The following RAP1GAP variants were observed in gnomAD, a reference collection of about 807,000 sequenced individuals.
RAP1GAP encodes the protein rap1 GTPase-activating protein 1.
Under a neutral mutation model 87.2 loss-of-function variants are expected in RAP1GAP, and 35 were observed. The observed-to-expected ratio is 0.40, with a 90% CI of 0.31 to 0.53. The LOEUF is 0.53. Among genes scored for constraint, RAP1GAP ranks in the 20% least tolerant of loss-of-function variants. The pLI, the probability that RAP1GAP is intolerant of heterozygous loss-of-function variation, is 0.48. For missense variants in RAP1GAP, 734 were observed against 898.9 expected (o/e 0.82, Z 2.35); for synonymous variants, 375 against 363.9 (o/e 1.03, Z -0.35).
Position 21,656,432 on chromosome 1 carries a change from A to C in RAP1GAP, c.-148-6636T>G, listed in dbSNP as rs1317219097. On this transcript the variant is annotated intron_variant, in intron 1 of 24. Coordinates refer to ENST00000374765, the MANE Select transcript of RAP1GAP (RefSeq NM_002885.4). ...AGACTCCATCTAAAAAAAAAAAAAAAAAAAAAAAAAAAAAAAAAAAAAGAC... is the reference window on the plus strand; with the variant it reads ...AGACTCCATCTAAAAAAAAAAAAAACAAAAAAAAAAAAAAAAAAAAAAGAC... 2.0e-3 allele frequency among the ~76,000 whole-genome samples: 299 copies of C among 148,774 alleles called. 14 individuals carry two copies. The highest frequency in any genetic ancestry group is 6.9e-3 in the Middle Eastern group (2 of 288).
At chr1:21,657,332 C>A (rs2096906911) in intron 1 of RAP1GAP, among the ~76,000 whole-genome samples, 1 of 152,262 alleles carries the variant, frequency 6.6e-6, no homozygotes, top group South Asian at 2.1e-4. Context: ...TAAATACACA[C>A]TGATGACAGC....
At chr1:21,628,101 T>C (rs371190157) in intron 2 of RAP1GAP, among the ~76,000 whole-genome samples, 2 of 152,286 alleles carry the variant, frequency 1.3e-5, no homozygotes, top group East Asian at 3.9e-4. Context: ...GTTTCACTAT[T>C]TGTTGAATGA....
rs761866378 is a variant in RAP1GAP, at chr1:21,608,348, C to T, written c.1161G>A (p.Glu387=). ...YKAEKFAKLE[E]RTRAALLETL... is the part of the protein sequence containing the mutation. ...TCTCCAGGAGGGCGGCCCGCGTCCG[C>T]TCCTGTGGGCCAGGCCCGGGCCGTC... The change falls in exon 17 of 25, where the codon GAG becomes GAA. Residue 387 remains glutamate (E), a splice_region_variant and synonymous_variant. Coordinates refer to ENST00000374765, the MANE Select transcript of RAP1GAP (RefSeq NM_002885.4). 47 of 1,612,610 alleles carry T rather than the reference C, an allele frequency of 2.9e-5. No homozygotes were observed. The Admixed American group carries it at 7.7e-4, about 26-fold the overall frequency.
intron 6 of RAP1GAP, 94 bp from the exon 7 acceptor site, chr1:21,617,585 G>A (rs772583577): frequency 2.9e-5 from 40 of 1,385,930 alleles, no homozygotes; most frequent in Non-Finnish European, 3.7e-5. Context: ...CGCTTCTGTC[G>A]TGGCTAAGGG....
chr1:21,616,503 T>G (rs1018480694), intron 7 of RAP1GAP, among the ~76,000 whole-genome samples: 3 of 152,138 alleles, frequency 2.0e-5, no homozygotes, highest in African/African-American at 7.2e-5. Flanking sequence ...ACACAAACAG[T>G]TAATGGAAGA....
intron 2 of RAP1GAP, among the ~76,000 whole-genome samples, chr1:21,640,176 T>C (rs1222339456): frequency 6.6e-6 from 1 of 151,036 alleles, no homozygotes; most frequent in Non-Finnish European, 1.5e-5. Flanking sequence ...CTGCACACGC[T>C]GTGCCCCCTG....
chr1:21,599,519 C>T lies in RAP1GAP; in HGVS notation c.1751G>A (p.Gly584Asp), dbSNP rs1333016395. ...CAGGCCTGTGTCCTCTCCGTCCACACCCTCCGTCTCCTCCACCACGCTGGC... is the reference window on the plus strand; with the variant it reads ...CAGGCCTGTGTCCTCTCCGTCCACATCCTCCGTCTCCTCCACCACGCTGGC... ...SFASVVEETE[G>D]VDGEDTGLES... The change falls in exon 21 of 25, where the codon GGT becomes GAT. Residue 584 changes from glycine (G) to aspartate (D), a missense_variant. Physicochemically the swap from Gly to Asp is moderately conservative, Grantham distance 94. Transcript: ENST00000374765. The T allele has an allele frequency of 6.2e-7, 1 of 1,609,574 alleles. No individual in the cohort carries two copies. The highest frequency in any genetic ancestry group is 8.5e-7 in the Non-Finnish European group (1 of 1,179,958).
At chr1:21,616,449 C>T (rs986999930) in intron 7 of RAP1GAP, among the ~76,000 whole-genome samples, 2 of 152,142 alleles carry the variant, frequency 1.3e-5, no homozygotes, top group African/African-American at 4.8e-5. Context: ...TTTTATTATC[C>T]CTGTTTTCAC....
At chr1:21,599,401 C>A in intron 21 of RAP1GAP, 93 bp downstream of exon 21, 1 of 1,505,826 alleles carries the variant, frequency 6.6e-7, no homozygotes, top group Middle Eastern at 1.8e-4. Context: ...CTCAGCCACG[C>A]CCAGGCTCGT....
At chr1:21,618,673 G>A (rs966282410) in intron 5 of RAP1GAP, among the ~76,000 whole-genome samples, 1 of 152,194 alleles carries the variant, frequency 6.6e-6, no homozygotes, top group Admixed American at 6.5e-5. Context: ...ACTGGTTTCA[G>A]GGAAAACATT....
At chr1:21,632,426 T>A (rs1030099879) in intron 2 of RAP1GAP, among the ~76,000 whole-genome samples, 2 of 152,166 alleles carry the variant, frequency 1.3e-5, no homozygotes, top group African/African-American at 4.8e-5. Context: ...GGAACTGGAA[T>A]GGAGATAAGG....
chr1:21,654,258 T>C (rs1425174658), intron 1 of RAP1GAP, among the ~76,000 whole-genome samples: 1 of 152,228 alleles, frequency 6.6e-6, no homozygotes, highest in Non-Finnish European at 1.5e-5. Context: ...CATCATAGCA[T>C]GTGAGCCTGT....
chr1:21,656,122 C>T (rs2096848783), intron 1 of RAP1GAP, among the ~76,000 whole-genome samples: 1 of 152,312 alleles, frequency 6.6e-6, no homozygotes, highest in African/African-American at 2.4e-5. Context: ...CCCCTATTCT[C>T]ACTTTGCTGG....
At chr1:21,649,923 A>T (rs2096425010) in intron 1 of RAP1GAP, 127 bp from the exon 2 acceptor site, 3 of 931,008 alleles carry the variant, frequency 3.2e-6, no homozygotes, top group Non-Finnish European at 5.0e-6. Flanking sequence ...GTTTCTAAGG[A>T]TGCCTGATGC....
At chr1:21,648,786 G>A (rs957381790) in intron 2 of RAP1GAP, among the ~76,000 whole-genome samples, 10 of 152,178 alleles carry the variant, frequency 6.6e-5, no homozygotes, top group Admixed American at 2.6e-4. Flanking sequence ...CAGAAAGGGA[G>A]AGGAAGCAGC....
At chr1:21,626,809 C>T in intron 2 of RAP1GAP, 1 of 441,866 alleles carries the variant, frequency 2.3e-6, no homozygotes, top group South Asian at 1.6e-5. Flanking sequence ...ACCAGGGCTA[C>T]CGCTATTACG....
intron 1 of RAP1GAP, among the ~76,000 whole-genome samples, chr1:21,667,834 G>A (rs958646590): frequency 3.0e-4 from 46 of 152,296 alleles, no homozygotes; most frequent in African/African-American, 8.4e-4. Flanking sequence ...CTGTGAAGGG[G>A]GAAATTGCTC....
chr1:21,646,079 A>G (rs1042786657), intron 2 of RAP1GAP, among the ~76,000 whole-genome samples: 2 of 152,244 alleles, frequency 1.3e-5, no homozygotes, highest in African/African-American at 4.8e-5. Flanking sequence ...GGGGATGGAC[A>G]GTAGTAAGGG....
intron 2 of RAP1GAP, among the ~76,000 whole-genome samples, chr1:21,641,718 G>A (rs1025835279): frequency 6.6e-6 from 1 of 152,180 alleles, no homozygotes; most frequent in Non-Finnish European, 1.5e-5. Context: ...TGGAAACTGA[G>A]GTTCAGAGAG....
Sources: gnomAD v4.1 joint callset for allele counts (sites outside exome capture counted in the v4.1 genomes callset) on GRCh38, gnomAD v4.1.1 for gene constraint, MANE v1.5 for transcripts, NCBI Gene and HGNC (gene_info 2026-07-23, HGNC 2026-07-21) for gene names.